SPAG5: variants seen among roughly 807,000 people sequenced by gnomAD.
SPAG5 encodes sperm-associated antigen 5.
Under a neutral mutation model 145.4 loss-of-function variants are expected in SPAG5, and 99 were observed. That is an observed-to-expected ratio of 0.68 (90% CI 0.58 to 0.80). The LOEUF (loss-of-function observed/expected upper bound fraction) is 0.80. Among genes scored for constraint, SPAG5 ranks in the 30% least tolerant of loss-of-function variants. The pLI is 0.00. For synonymous variants in SPAG5, 477 were observed against 525.4 expected (o/e 0.91, Z 1.26); for missense variants, 1,192 against 1,416.0 (o/e 0.84, Z 2.54).
At chr17:28,595,382 C>G (rs991754282) in intron 2 of SPAG5, among the ~76,000 whole-genome samples, 5 of 151,674 alleles carry the variant, frequency 3.3e-5, no homozygotes, top group African/African-American at 1.2e-4. Flanking sequence ...TCTAAGATAC[C>G]AGAAATATTT....
At chr17:28,585,454 G>A in intron 8 of SPAG5, 43 bp from the exon 9 acceptor site, 1 of 1,613,690 alleles carries the variant, frequency 6.2e-7, no homozygotes, top group African/African-American at 1.3e-5. Flanking sequence ...CTTCCCTTTG[G>A]ATACAGCAAA....
At chr17:28,589,813 G>A (rs1283884391) in intron 4 of SPAG5, among the ~76,000 whole-genome samples, 1 of 152,166 alleles carries the variant, frequency 6.6e-6, no homozygotes, top group Non-Finnish European at 1.5e-5. Context: ...CCAGGAGGCT[G>A]AGGTGGGAGG....
chr17:28,583,553 T>C lies in SPAG5; in HGVS notation c.2643A>G (p.Leu881=), dbSNP rs2070562411. Residue 881 remains leucine, a synonymous_variant, in exon 15 of 24, where the codon CTA becomes CTG. Transcript: ENST00000321765. The stretch of plus-strand genomic sequence containing the variant: ...TCTGTAGAAAGAGAGTCAGGCTCTG[T>C]AGTTGCTCAGTCAGCAGCCCTAGCT... ...SQKLGLLTEQ[L]QSLTLFLQTK... is the part of the protein sequence containing the mutation. The C allele has an allele frequency of 1.2e-6, 2 of 1,613,006 alleles. No homozygotes were observed. Among genetic ancestry groups the C allele is most frequent in the South Asian group, 2.2e-5 (2 of 90,810 alleles).
chr17:28,598,415 A>G lies in SPAG5; in HGVS notation c.177+95T>C, dbSNP rs777681915. 3 of 1,414,014 alleles carry G rather than the reference A, an allele frequency of 2.1e-6. No homozygotes were observed. The Admixed American group carries it at 7.4e-5, about 35-fold the overall frequency. The allele number at this position is 1,414,014 out of a possible 1,614,324, so 87.6% of individuals were successfully genotyped here. A position where few individuals can be genotyped will look rare whatever the true frequency, so the allele number is the denominator to read the frequency against. ...TGTCACCGACGTAGAAGACTTCATT[A>G]TCGTTATTAATTATTGTAGCCCTGG... On this transcript the variant is annotated intron_variant, in intron 2 of 23. Transcript: ENST00000321765.
rs1382727176 is a variant in SPAG5, at chr17:28,579,412, C to G, written c.2958G>C (p.Leu986=). Residue 986 remains leucine (L), a synonymous_variant, in exon 18 of 24, where the codon CTG becomes CTC. Coordinates refer to ENST00000321765, the MANE Select transcript of SPAG5 (RefSeq NM_006461.4). Reference sequence around the variant, plus strand: ...TGGCTTCTTCTTTAGACTCTTGTAGCAGGGAACAAAGACTCTGAAGCTCAG... The same window carrying G: ...TGGCTTCTTCTTTAGACTCTTGTAGGAGGGAACAAAGACTCTGAAGCTCAG... ...MTTELQSLCS[L]LQESKEEAIR... is the part of the protein sequence containing the mutation. 6.2e-7 allele frequency: 1 copy of G among 1,614,182 alleles called. No homozygotes were observed. Among genetic ancestry groups the G allele is most frequent in the Non-Finnish European group, 8.5e-7 (1 of 1,180,032 alleles).
intron 1 of SPAG5, 66 bp downstream of exon 1, chr17:28,598,830 G>C (rs1055912151): frequency 6.3e-7 from 1 of 1,581,946 alleles, no homozygotes; most frequent in Admixed American, 1.7e-5. Context: ...CAGGACAGTA[G>C]ACACGGCCGG....
chr17:28,577,907 G>T, intron 23 of SPAG5, 103 bp downstream of exon 23: 1 of 1,234,418 alleles, frequency 8.1e-7, no homozygotes, highest in Non-Finnish European at 1.2e-6. Context: ...TTCAGGCCCA[G>T]CTCTCAGCAC....
At chr17:28,583,701 C>T (rs565670540) in intron 14 of SPAG5, 52 bp from the exon 15 acceptor site, 18 of 1,559,482 alleles carry the variant, frequency 1.2e-5, no homozygotes, top group South Asian at 2.4e-5. Context: ...CTTCTCTGAA[C>T]GCCTATCCCA....
intron 4 of SPAG5, 115 bp from the exon 5 acceptor site, chr17:28,586,614 C>CG: frequency 2.6e-6 from 2 of 772,996 alleles, no homozygotes; most frequent in Non-Finnish European, 4.4e-6. Context: ...TCACTGCAAC[C>CG]TCCACCTCCC....
At position 28,591,853 on chromosome 17, in the gene SPAG5, C is replaced by A. The variant is rs185381811; in HGVS notation, c.1282G>T (p.Ala428Ser). Residue 428 changes from alanine (A) to serine (S), a missense_variant, in exon 4 of 24, where the codon GCC (alanine) becomes TCC (serine). Transcript: ENST00000321765. ...TCTTCCAAGTCATGTCGAGACAAGG[C>A]AGTCAGATCTGGAGGCCGGCTGCAG... ...LLCGRPPDLT[A>S]LSRHDLEDNL... 5.0e-6 allele frequency: 8 copies of A among 1,613,908 alleles called. No individual in the cohort carries two copies. The South Asian group carries it at 8.8e-5, about 18-fold the overall frequency.
Position 28,584,448 on chromosome 17 carries a change from T to C in SPAG5, c.2194A>G (p.Met732Val), listed in dbSNP as rs371781266. 1.1e-5 allele frequency: 18 copies of C among 1,613,934 alleles called. No individual in the cohort carries two copies. Among genetic ancestry groups the C allele is most frequent in the Admixed American group, 5.0e-5 (3 of 59,998 alleles). The change falls in exon 12 of 24, where the codon ATG (methionine) becomes GTG (valine). Residue 732 changes from methionine to valine, a missense_variant. Around this residue, in one of 5 missense-constraint regions of SPAG5, gnomAD observed 709 missense variants for 840.7 expected, o/e 0.84. Transcript: ENST00000321765. The stretch of plus-strand genomic sequence containing the variant: ...TGTAGCTCTTTTAGCTGGCTGTCCA[T>C]GTTGGCCAGAATCTGCAACTGAGCC... The part of the protein sequence containing the change: ...LRAQLQILAN[M>V]DSQLKELQSQ...
intron 4 of SPAG5, 75 bp from the exon 5 acceptor site, chr17:28,586,574 C>T (rs1280541874): frequency 4.0e-6 from 5 of 1,237,136 alleles, no homozygotes; most frequent in Admixed American, 1.7e-5. Context: ...CTCTATCATC[C>T]AGACTGGAGT....
chr17:28,590,323 A>G (rs2070611694), intron 4 of SPAG5, among the ~76,000 whole-genome samples: 1 of 152,214 alleles, frequency 6.6e-6, no homozygotes, highest in African/African-American at 2.4e-5. Flanking sequence ...TTGAACTCCT[A>G]GCCTCAAGTG....
At chr17:28,591,568 T>C in intron 4 of SPAG5, 130 bp downstream of exon 4, 1 of 888,848 alleles carries the variant, frequency 1.1e-6, no homozygotes, top group Non-Finnish European at 1.7e-6. Flanking sequence ...ACTGCCCAGA[T>C]TCTCAGCTTT....
intron 15 of SPAG5, 131 bp downstream of exon 15, chr17:28,583,380 A>G: frequency 2.1e-6 from 2 of 959,076 alleles, no homozygotes; most frequent in African/African-American, 1.7e-5. Context: ...TTTGAGCAAC[A>G]GGCTAATGAG....
intron 4 of SPAG5, among the ~76,000 whole-genome samples, chr17:28,589,169 G>A (rs2070604776): frequency 6.6e-6 from 1 of 151,460 alleles, no homozygotes; most frequent in Non-Finnish European, 1.5e-5. Flanking sequence ...CGCGATCTTG[G>A]CTCACTGCAA....
At chr17:28,593,197 A>C (rs1054202608) in intron 2 of SPAG5, 131 bp from the exon 3 acceptor site, 23 of 1,208,024 alleles carry the variant, frequency 1.9e-5, no homozygotes, top group Middle Eastern at 2.1e-4. Context: ...GAACTTGGCT[A>C]ATCTTTGTTG....
At position 28,583,630 on chromosome 17, in the gene SPAG5, T is replaced by C. The variant is rs2070563162; in HGVS notation, c.2566A>G (p.Ile856Val). 2.5e-6 allele frequency: 4 copies of C among 1,611,492 alleles called. No homozygotes were observed. The highest frequency in any genetic ancestry group is 1.7e-4 in the Middle Eastern group (1 of 6,058). ...ENLTAKLAST[I>V]ADNQEQDLEK... ...AGATCTTGCTCCTGGTTATCTGCTA[T>C]GGTGCTGGCCAGTTTAGCCCTGAAA... Residue 856 changes from isoleucine (I) to valine (V), a missense_variant, in exon 15 of 24, where the codon ATA (isoleucine) becomes GTA (valine). Coordinates refer to ENST00000321765, the MANE Select transcript of SPAG5 (RefSeq NM_006461.4).
In SPAG5 at chr17:28,584,655, TTGCTAGACGAC is replaced by T. The variant is rs1406348419; in HGVS notation, c.2147_2157del (p.Ser716AsnfsTer36). 1.2e-6 allele frequency: 2 copies of T among 1,613,520 alleles called. No homozygotes were observed. Among genetic ancestry groups the T allele is most frequent in the Non-Finnish European group, 1.7e-6 (2 of 1,179,546 alleles). The stretch of plus-strand genomic sequence containing the variant: ...ACACACACACACACACAAACACCTG[TTGCTAGACGAC>T]TGTTTTCCAACTCCAGTTGTTCTGT... On this transcript the variant is annotated frameshift_variant, in exon 11 of 24. Transcript: ENST00000321765. LOFTEE classifies it high-confidence loss of function.
Sources: allele counts gnomAD v4.1 joint callset (sites outside exome capture counted in the v4.1 genomes callset), GRCh38; gene constraint gnomAD v4.1.1; regional missense constraint gnomAD v4.1.1; transcripts MANE v1.5; gene names NCBI Gene and HGNC (gene_info 2026-07-23, HGNC 2026-07-21).